EDA: variants seen among roughly 807,000 people sequenced by gnomAD.
EDA encodes the protein ectodysplasin A.
A neutral mutation model predicts 23.6 loss-of-function variants in EDA; 2 were observed. The ratio of observed to expected loss-of-function variants is 0.08; its 90% CI spans 0.03 to 0.27. EDA has a LOEUF of 0.27. Among genes scored for constraint, EDA ranks in the 10% least tolerant of loss-of-function variants. The probability of loss-of-function intolerance (pLI) is 1.00; values close to 1 mark genes in which losing one functional copy is unlikely to be tolerated. For missense variants in EDA, 229 were observed against 324.2 expected (o/e 0.71, Z 2.26); for synonymous variants, 131 against 132.0 (o/e 0.99, Z 0.05).
chrX:69,951,990 C>G (rs917339089), intron 1 of EDA, among the ~76,000 whole-genome samples: 3 of 112,130 alleles, frequency 2.7e-5, no homozygotes, highest in Non-Finnish European at 5.6e-5. Flanking sequence ...TATCCTGCAA[C>G]TTGCCTCTGG....
intron 1 of EDA, among the ~76,000 whole-genome samples, chrX:69,645,596 G>GTGTATATATATATATATATATATATA (rs1569281300): frequency 1.0e-4 from 3 of 29,540 alleles, no homozygotes; most frequent in African/African-American, 5.9e-4. Context: ...ATATATATGT[G>GTGTATATATATATATATATATATATA]TGTGTGTATA....
At chrX:69,932,311 A>G (rs1439247578) in intron 1 of EDA, among the ~76,000 whole-genome samples, 3 of 111,675 alleles carry the variant, frequency 2.7e-5, no homozygotes, top group Non-Finnish European at 5.6e-5. Context: ...ATGTACATAC[A>G]TATGTAAAAA....
chrX:69,962,543 T>G (rs961145863), intron 2 of EDA, among the ~76,000 whole-genome samples: 5 of 111,746 alleles, frequency 4.5e-5, no homozygotes, highest in African/African-American at 1.6e-4. Flanking sequence ...GTAATTCTCC[T>G]GCCTCAGCCT....
At chrX:69,791,988 G>A (rs2015418550) in intron 1 of EDA, among the ~76,000 whole-genome samples, 1 of 111,612 alleles carries the variant, frequency 9.0e-6, no homozygotes, top group African/African-American at 3.3e-5. Flanking sequence ...CAGTTTTGGG[G>A]GGTACAGCTG....
At chrX:69,811,738 G>GT (rs907568885) in intron 1 of EDA, among the ~76,000 whole-genome samples, 4 of 112,311 alleles carry the variant, frequency 3.6e-5, no homozygotes, top group African/African-American at 1.3e-4. Context: ...ACATAATGAG[G>GT]TTTTCTGGAG....
At chrX:69,783,543 T>A (rs1283317116) in intron 1 of EDA, among the ~76,000 whole-genome samples, 1 of 108,254 alleles carries the variant, frequency 9.2e-6, no homozygotes, top group East Asian at 2.9e-4. Flanking sequence ...CAGTCTTTGG[T>A]TTTCTGTTCT....
At chrX:69,863,623 GTATT>G (rs754991411) in intron 1 of EDA, among the ~76,000 whole-genome samples, 2 of 72,015 alleles carry the variant, frequency 2.8e-5, no homozygotes, top group Non-Finnish European at 5.5e-5. Flanking sequence ...ATATATGTGT[GTATT>G]TATGTGTGTG....
At chrX:69,941,832 T>C (rs1471767851) in intron 1 of EDA, among the ~76,000 whole-genome samples, 1 of 111,458 alleles carries the variant, frequency 9.0e-6, no homozygotes, top group East Asian at 2.8e-4. Flanking sequence ...TTGTTTTATA[T>C]TTTTGTGGTC....
intron 1 of EDA, among the ~76,000 whole-genome samples, chrX:69,861,881 A>G (rs1214576214): frequency 8.9e-6 from 1 of 112,148 alleles, no homozygotes; most frequent in East Asian, 2.8e-4. Context: ...CAGGAGAAGA[A>G]ACTTCAATTC....
chrX:69,653,816 C>A (rs1602255965), intron 1 of EDA, among the ~76,000 whole-genome samples: 1 of 111,896 alleles, frequency 8.9e-6, no homozygotes, highest in Non-Finnish European at 1.9e-5. Context: ...GGATTAAAGA[C>A]TTAAATGTTA....
At chrX:69,874,863 TCAAGAACTCAA>T (rs1279594431) in intron 1 of EDA, among the ~76,000 whole-genome samples, 5 of 111,681 alleles carry the variant, frequency 4.5e-5, no homozygotes, top group Non-Finnish European at 9.4e-5. Flanking sequence ...GAGAATCTAA[TCAAGAACTCAA>T]CCCCTTTCAC....
chrX:69,856,711 A>ATT (rs368026991), intron 1 of EDA, among the ~76,000 whole-genome samples: 22,987 of 101,430 alleles, frequency 0.23, 2,194 homozygotes, highest in African/African-American at 0.31. Flanking sequence ...TGATGCGATT[A>ATT]TTTTTTTTTT....
chrX:69,725,352 C>T (rs772828676), intron 1 of EDA, among the ~76,000 whole-genome samples: 1 of 111,947 alleles, frequency 8.9e-6, no homozygotes, highest in Non-Finnish European at 1.9e-5. Context: ...GTTATCTTCT[C>T]CTGAAGTGCA....
chrX:69,791,933 C>T (rs1258744241), intron 1 of EDA, among the ~76,000 whole-genome samples: 1 of 112,378 alleles, frequency 8.9e-6, no homozygotes, highest in Non-Finnish European at 1.9e-5. Flanking sequence ...TGAGCCACTG[C>T]ACCCGGCAAC....
chrX:69,824,475 T>A (rs921096463), intron 1 of EDA, among the ~76,000 whole-genome samples: 1 of 110,830 alleles, frequency 9.0e-6, no homozygotes, highest in Non-Finnish European at 1.9e-5. Flanking sequence ...GAATGGGAGT[T>A]CTCTCATGAT....
intron 1 of EDA, among the ~76,000 whole-genome samples, chrX:69,932,085 A>T (rs1243975447): frequency 8.9e-6 from 1 of 112,036 alleles, no homozygotes; most frequent in Non-Finnish European, 1.9e-5. Flanking sequence ...AAGAAGCCCG[A>T]CAAAGTATCT....
At chrX:69,962,630 C>A (rs1248027126) in intron 2 of EDA, among the ~76,000 whole-genome samples, 1 of 110,956 alleles carries the variant, frequency 9.0e-6, no homozygotes, top group Non-Finnish European at 1.9e-5. Flanking sequence ...AGGGTTTCAC[C>A]TTGTTGGCCA....
intron 1 of EDA, among the ~76,000 whole-genome samples, chrX:69,682,315 C>T (rs925051033): frequency 1.4e-4 from 16 of 112,686 alleles, no homozygotes; most frequent in African/African-American, 5.2e-4. Context: ...CCTACAGAGG[C>T]AGGCAGGCCT....
At chrX:69,889,021 T>TATATATATA (rs58327577) in intron 1 of EDA, among the ~76,000 whole-genome samples, 226 of 73,327 alleles carry the variant, frequency 3.1e-3, no homozygotes, top group Non-Finnish European at 3.6e-3. Context: ...TATATATATA[T>TATATATATA]TATGTTTTTC....
Sources: allele counts gnomAD v4.1 joint callset (sites outside exome capture counted in the v4.1 genomes callset), GRCh38; gene constraint gnomAD v4.1.1; transcripts MANE v1.5; gene names NCBI Gene and HGNC (gene_info 2026-07-23, HGNC 2026-07-21).